COL19A1: variants seen among roughly 807,000 people sequenced by gnomAD.
COL19A1 encodes the protein collagen alpha-1(XIX) chain.
In COL19A1, 159 loss-of-function variants were observed where a neutral mutation model predicts 190.2. That is an observed-to-expected ratio of 0.84 (90% CI 0.73 to 0.95). The LOEUF is 0.95. Among genes scored for constraint, COL19A1 ranks in the 40% least tolerant of loss-of-function variants. The pLI is 0.00. For synonymous variants in COL19A1, 509 were observed against 458.9 expected, an observed-to-expected ratio of 1.11 and a Z score of -1.39; for missense variants, 1,418 against 1,431.9, an observed-to-expected ratio of 0.99 and a Z score of 0.16.
chr6:69,985,899 C>CTTAATAGAT (rs1776284800), intron 11 of COL19A1, among the ~76,000 whole-genome samples: 1 of 152,000 alleles, frequency 6.6e-6, no homozygotes, highest in Non-Finnish European at 1.5e-5. Flanking sequence ...ATAAATTGAA[C>CTTAATAGAT]TTAATAGATT....
intron 16 of COL19A1, among the ~76,000 whole-genome samples, chr6:70,102,696 C>A (rs142101090): frequency 9.3e-4 from 141 of 152,114 alleles, no homozygotes; most frequent in African/African-American, 3.2e-3. Context: ...AACCAGTTAG[C>A]TTATCTGGAT....
chr6:70,135,093 T>C (rs1785767162), intron 18 of COL19A1, among the ~76,000 whole-genome samples: 1 of 152,104 alleles, frequency 6.6e-6, no homozygotes, highest in Non-Finnish European at 1.5e-5. Context: ...GCTCACCAGT[T>C]TATTATAAAG....
intron 4 of COL19A1, 35 bp downstream of exon 4, chr6:69,900,373 T>A (rs377419803): frequency 3.6e-6 from 4 of 1,098,628 alleles, no homozygotes; most frequent in East Asian, 5.6e-5. Flanking sequence ...TGTTTAATAA[T>A]ACTTCATAAA....
chr6:70,191,252 G>C (rs1053954156), intron 48 of COL19A1, among the ~76,000 whole-genome samples: 1 of 152,096 alleles, frequency 6.6e-6, no homozygotes, highest in African/African-American at 2.4e-5. Flanking sequence ...AACAGCCCTG[G>C]ATCTTCCTTA....
chr6:70,184,533 C>G (rs778025036), intron 44 of COL19A1, among the ~76,000 whole-genome samples, 170 bp from the exon 45 acceptor site: 4 of 152,122 alleles, frequency 2.6e-5, no homozygotes, highest in South Asian at 2.1e-4. Context: ...TGTCAGAATC[C>G]GAACTCAGGA....
chr6:69,981,595 T>G (rs976675953), intron 11 of COL19A1, among the ~76,000 whole-genome samples: 3 of 151,746 alleles, frequency 2.0e-5, no homozygotes, highest in Non-Finnish European at 4.4e-5. Flanking sequence ...AATTAAAAAG[T>G]GAGAGGAGAG....
chr6:69,913,515 T>G (rs995102704), intron 4 of COL19A1, among the ~76,000 whole-genome samples: 1 of 152,116 alleles, frequency 6.6e-6, no homozygotes, highest in Non-Finnish European at 1.5e-5. Flanking sequence ...AAGTGAAAAG[T>G]TGAGCCTTGA....
chr6:70,175,058 A>G (rs541180831), intron 41 of COL19A1, among the ~76,000 whole-genome samples: 2 of 152,370 alleles, frequency 1.3e-5, no homozygotes, highest in South Asian at 2.1e-4. Flanking sequence ...GAAAAGTTCT[A>G]GTATATTAAT....
chr6:70,065,575 A>G (rs1460972240), intron 14 of COL19A1, among the ~76,000 whole-genome samples: 4 of 152,192 alleles, frequency 2.6e-5, no homozygotes, highest in Non-Finnish European at 5.9e-5. Context: ...AAAACACCAA[A>G]AGCAATGGCA....
Position 69,929,580 on chromosome 6 carries a change from C to A in COL19A1, c.546C>A (p.Val182=). 6.2e-7 allele frequency: 1 copy of A among 1,613,992 alleles called. No individual in the cohort carries two copies. Among genetic ancestry groups the A allele is most frequent in the Non-Finnish European group, 8.5e-7 (1 of 1,179,968 alleles). Residue 182 remains valine, a synonymous_variant, in exon 6 of 51, where the codon GTC becomes GTA. Transcript: ENST00000620364. ...HKLGISIQSQ[V]ISLYMDCNLI... ...TTGGCATTAGTATACAATCCCAGGT[C>A]ATTTCACTTTATATGGATTGTAATT...
At chr6:70,024,518 A>T (rs1170824805) in intron 12 of COL19A1, among the ~76,000 whole-genome samples, 1 of 151,678 alleles carries the variant, frequency 6.6e-6, no homozygotes, top group African/African-American at 2.4e-5. Flanking sequence ...CCCATTTTGT[A>T]TGCAGGAGAT....
chr6:70,191,350 T>C (rs1046786835), intron 48 of COL19A1, among the ~76,000 whole-genome samples: 23 of 152,242 alleles, frequency 1.5e-4, no homozygotes, highest in Admixed American at 1.4e-3. Flanking sequence ...TTTCCTCTTA[T>C]TAATTTCAAA....
At chr6:70,040,341 G>A (rs532608291) in intron 14 of COL19A1, among the ~76,000 whole-genome samples, 92 of 152,254 alleles carry the variant, frequency 6.0e-4, no homozygotes, top group South Asian at 8.3e-4. Context: ...AGGAAATGGC[G>A]TGAAACACAG....
At chr6:70,133,261 ATTAC>A (rs1785634051) in intron 18 of COL19A1, among the ~76,000 whole-genome samples, 1 of 152,204 alleles carries the variant, frequency 6.6e-6, no homozygotes, top group African/African-American at 2.4e-5. Flanking sequence ...GCAAAATAGA[ATTAC>A]TAAAAGAGCC....
intron 27 of COL19A1, among the ~76,000 whole-genome samples, chr6:70,147,358 A>G (rs181307218): frequency 6.6e-5 from 10 of 152,268 alleles, no homozygotes; most frequent in African/African-American, 2.2e-4. Flanking sequence ...GGTAAAAATA[A>G]ATAATGAGAA....
At chr6:69,992,605 T>G (rs1776691300) in intron 11 of COL19A1, among the ~76,000 whole-genome samples, 1 of 152,148 alleles carries the variant, frequency 6.6e-6, no homozygotes, top group Non-Finnish European at 1.5e-5. Context: ...GTTTTTCCAT[T>G]TGTCTGTGTC....
chr6:70,094,963 A>C (rs1429166403), intron 15 of COL19A1, among the ~76,000 whole-genome samples: 1 of 152,184 alleles, frequency 6.6e-6, no homozygotes, highest in Non-Finnish European at 1.5e-5. Context: ...ATAAGGGTAC[A>C]GCTTGATGCT....
intron 15 of COL19A1, among the ~76,000 whole-genome samples, chr6:70,096,076 G>T (rs1783242957): frequency 2.2e-5 from 3 of 137,760 alleles, no homozygotes; most frequent in South Asian, 5.0e-4. Flanking sequence ...AGATCATACG[G>T]TAACTCTATT....
chr6:70,151,938 C>T (rs1787088097), intron 31 of COL19A1, among the ~76,000 whole-genome samples: 1 of 152,044 alleles, frequency 6.6e-6, no homozygotes, highest in African/African-American at 2.4e-5. Flanking sequence ...CCACAGTTGA[C>T]AAGTGCCCTA....
Sources: allele counts gnomAD v4.1 joint callset (sites outside exome capture counted in the v4.1 genomes callset), GRCh38; gene constraint gnomAD v4.1.1; transcripts MANE v1.5; gene names NCBI Gene and HGNC (gene_info 2026-07-23, HGNC 2026-07-21).